Variants in ARHGEF28 observed in about 807,000 individuals in gnomAD.
ARHGEF28 encodes the protein 190 kDa guanine nucleotide exchange factor.
ARHGEF28 carries 152 observed loss-of-function variants against 206.6 expected under a neutral mutation model. The ratio of observed to expected loss-of-function variants is 0.74; its 90% CI spans 0.64 to 0.84. The LOEUF is 0.84. ARHGEF28 is among the 40% of genes least tolerant of loss of function. The probability of loss-of-function intolerance (pLI) is 0.00; values close to 1 mark genes in which losing one functional copy is unlikely to be tolerated. For synonymous variants in ARHGEF28, 763 were observed against 776.4 expected (o/e 0.98, Z 0.29); for missense variants, 2,028 against 2,073.2 (o/e 0.98, Z 0.42).
At chr5:73,727,902 G>C (rs920644157) in intron 2 of ARHGEF28, among the ~76,000 whole-genome samples, 1 of 152,152 alleles carries the variant, frequency 6.6e-6, no homozygotes. Context: ...GGTAGTCTGA[G>C]TTCATTTTGG....
At chr5:73,845,083 T>C (rs1369799056) in intron 11 of ARHGEF28, among the ~76,000 whole-genome samples, 1 of 149,372 alleles carries the variant, frequency 6.7e-6, no homozygotes, top group African/African-American at 2.5e-5. Flanking sequence ...AGTGGTGTGA[T>C]CTTGGCTCAC....
At chr5:73,923,003 G>A in intron 35 of ARHGEF28, 2 of 1,280,166 alleles carry the variant, frequency 1.6e-6, no homozygotes, top group South Asian at 1.4e-5. Flanking sequence ...GGAAATTGGA[G>A]GGAAAAAACA....
intron 29 of ARHGEF28, 118 bp downstream of exon 29, chr5:73,894,693 C>T (rs969718775): frequency 3.5e-5 from 42 of 1,215,070 alleles, no homozygotes; most frequent in Non-Finnish European, 4.7e-5. Flanking sequence ...AGACAAGGTC[C>T]TTACTCGGCT....
At chr5:73,906,784 AT>A (rs905407560) in intron 33 of ARHGEF28, among the ~76,000 whole-genome samples, 26 of 149,448 alleles carry the variant, frequency 1.7e-4, no homozygotes, top group African/African-American at 2.7e-4. Flanking sequence ...ATTGTGAATA[AT>A]TTTTTTTTTC....
chr5:73,764,113 GGTA>G (rs1482318003), intron 4 of ARHGEF28, among the ~76,000 whole-genome samples: 1 of 152,178 alleles, frequency 6.6e-6, no homozygotes, highest in Non-Finnish European at 1.5e-5. Context: ...GGCAATCCCA[GGTA>G]GTAGGCTGGG....
intron 1 of ARHGEF28, among the ~76,000 whole-genome samples, chr5:73,632,495 A>C (rs1350516948): frequency 6.6e-6 from 1 of 152,220 alleles, no homozygotes; most frequent in Non-Finnish European, 1.5e-5. Context: ...AAGATAATCC[A>C]TCTATTTGGA....
chr5:73,929,290 C>T (rs1314542610), intron 35 of ARHGEF28, among the ~76,000 whole-genome samples: 1 of 152,166 alleles, frequency 6.6e-6, no homozygotes, highest in Non-Finnish European at 1.5e-5. Context: ...ACCCCCAATA[C>T]ATACTGTATT....
At chr5:73,762,863 A>G (rs567511694) in intron 4 of ARHGEF28, among the ~76,000 whole-genome samples, 3 of 152,336 alleles carry the variant, frequency 2.0e-5, no homozygotes, top group South Asian at 4.1e-4. Context: ...TCCATATACT[A>G]CTTAAGTGAG....
At chr5:73,888,038 C>T (rs938926464) in intron 26 of ARHGEF28, among the ~76,000 whole-genome samples, 7 of 152,176 alleles carry the variant, frequency 4.6e-5, no homozygotes, top group African/African-American at 1.7e-4. Context: ...CCTCTCTTCC[C>T]CGCCCCTTCG....
intron 14 of ARHGEF28, 21 bp downstream of exon 14, chr5:73,852,713 T>A: frequency 6.2e-7 from 1 of 1,611,902 alleles, no homozygotes; most frequent in Non-Finnish European, 8.5e-7. Flanking sequence ...CTATTCCAAT[T>A]TTCCTGAGGA....
chr5:73,804,415 G>T (rs1203302406), intron 9 of ARHGEF28, among the ~76,000 whole-genome samples: 3 of 152,298 alleles, frequency 2.0e-5, no homozygotes, highest in Non-Finnish European at 4.4e-5. Flanking sequence ...GGAGCTTAAT[G>T]CAGGACTTGA....
Position 73,724,859 on chromosome 5 carries a change from A to G in ARHGEF28, c.34-24978A>G, listed in dbSNP as rs774542604. Among the ~76,000 whole-genome samples the G allele has an allele frequency of 9.2e-5, 14 of 152,368 alleles. No individual in the cohort carries two copies. The East Asian group carries it at 1.3e-3, about 15-fold the overall frequency. ...ACAAATAGAGCTGCCATAACCATCC[A>G]TACACAGATTTCATGTGAATATAAG... On this transcript the variant is annotated intron_variant, in intron 2 of 35. Coordinates refer to ENST00000513042, the MANE Select transcript of ARHGEF28 (RefSeq NM_001177693.2).
chr5:73,780,540 G>T (rs889935810), intron 6 of ARHGEF28, 136 bp from the exon 7 acceptor site: 21 of 852,436 alleles, frequency 2.5e-5, no homozygotes, highest in East Asian at 2.2e-4. Context: ...TCTCCCAGCG[G>T]CTTTCACCCA....
At chr5:73,907,269 T>C (rs1261277083) in intron 33 of ARHGEF28, among the ~76,000 whole-genome samples, 1 of 152,220 alleles carries the variant, frequency 6.6e-6, no homozygotes, top group Non-Finnish European at 1.5e-5. Context: ...TGTTGCCGGA[T>C]GAAAACACTC....
At chr5:73,755,282 A>G (rs1298853460) in intron 4 of ARHGEF28, among the ~76,000 whole-genome samples, 1 of 151,926 alleles carries the variant, frequency 6.6e-6, no homozygotes, top group Admixed American at 6.6e-5. Context: ...ATTTTTAAAA[A>G]GATTTCTAAC....
intron 9 of ARHGEF28, among the ~76,000 whole-genome samples, chr5:73,804,082 C>T (rs79598979): frequency 1.6e-5 from 1 of 64,306 alleles, no homozygotes. Context: ...GAGACCCTGT[C>T]AAAAAAAAAA....
chr5:73,813,799 C>A (rs940702999), intron 9 of ARHGEF28: 4 of 975,916 alleles, frequency 4.1e-6, no homozygotes, highest in Admixed American at 4.5e-5. Context: ...TTATAAAACA[C>A]TCACTGTACA....
At chr5:73,747,153 A>G (rs140834909) in intron 2 of ARHGEF28, among the ~76,000 whole-genome samples, 32 of 152,320 alleles carry the variant, frequency 2.1e-4, no homozygotes, top group Non-Finnish European at 3.5e-4. Context: ...GTTTCTATGT[A>G]GAAGCAGAGT....
intron 35 of ARHGEF28, among the ~76,000 whole-genome samples, chr5:73,922,272 G>A (rs991611182): frequency 6.6e-6 from 1 of 152,196 alleles, no homozygotes; most frequent in African/African-American, 2.4e-5. Flanking sequence ...ATGGCTTTGT[G>A]TTTTCCTCTG....
Sources: allele counts gnomAD v4.1 joint callset (sites outside exome capture counted in the v4.1 genomes callset), GRCh38; gene constraint gnomAD v4.1.1; transcripts MANE v1.5; gene names NCBI Gene and HGNC (gene_info 2026-07-23, HGNC 2026-07-21).